The following KLRF1 variants were observed in gnomAD, a reference collection of about 807,000 sequenced individuals.
KLRF1 encodes the protein killer cell lectin like receptor F1, also known as killer cell lectin-like receptor subfamily F member 1.
In KLRF1, 27 loss-of-function variants were observed where a neutral mutation model predicts 30.7. That is an observed-to-expected ratio of 0.88 (90% CI 0.65 to 1.21). KLRF1 has a LOEUF of 1.21. Among genes scored for constraint, KLRF1 ranks in the 50% most tolerant of loss-of-function variants. The probability of loss-of-function intolerance (pLI) is 0.00; values close to 1 mark genes in which losing one functional copy is unlikely to be tolerated. For synonymous variants in KLRF1, 92 were observed against 89.3 expected (o/e 1.03, Z -0.17); for missense variants, 246 against 259.3 (o/e 0.95, Z 0.35).
At chr12:9,829,899 G>A (rs994788826) in intron 1 of KLRF1, among the ~76,000 whole-genome samples, 2 of 151,936 alleles carry the variant, frequency 1.3e-5, no homozygotes, top group Admixed American at 1.3e-4. Context: ...TCACTCTTTT[G>A]TTCTTTCAGA....
chr12:9,832,355 G>C lies in KLRF1; in HGVS notation c.125G>C (p.Gly42Ala). 6.2e-7 allele frequency: 1 copy of C among 1,609,822 alleles called. No homozygotes were observed. The highest frequency in any genetic ancestry group is 2.2e-5 in the East Asian group (1 of 44,754). ...VTLHWYKILL[G>A]ISGTVNGILT... ...TTGCACTGGTATAAAATCTTACTGG[G>C]AATATCTGGAACCGTGAATGGTATT... is the stretch of plus-strand genomic sequence containing the variant. The change falls in exon 2 of 6, where the codon GGA becomes GCA. Residue 42 changes from glycine (G) to alanine (A), a missense_variant. By Grantham distance (60) the Gly-to-Ala change is moderately conservative. Transcript: ENST00000617889.
intron 4 of KLRF1, 79 bp from the exon 5 acceptor site, chr12:9,842,242 T>C (rs1867718742): frequency 2.0e-6 from 3 of 1,526,912 alleles, no homozygotes; most frequent in Non-Finnish European, 1.8e-6. Context: ...GAGTGCTTTT[T>C]TGCAATAACA....
intron 2 of KLRF1, among the ~76,000 whole-genome samples, chr12:9,832,848 T>A (rs1297577452): frequency 6.6e-6 from 1 of 152,160 alleles, no homozygotes; most frequent in Non-Finnish European, 1.5e-5. Flanking sequence ...ACCGAGCAGC[T>A]ACAATACTCC....
At chr12:9,814,009 C>T in the KLRF1 span, among the ~76,000 whole-genome samples, 2 of 152,152 alleles carry the variant, frequency 1.3e-5, no homozygotes, top group East Asian at 3.9e-4. Flanking sequence ...ACAGCTTCCG[C>T]ATCTCCACAT....
At chr12:9,843,061 T>C (rs1004307146) in intron 5 of KLRF1, among the ~76,000 whole-genome samples, 2 of 152,144 alleles carry the variant, frequency 1.3e-5, no homozygotes, top group African/African-American at 4.8e-5. Context: ...CAGGTATGAT[T>C]AAATGAGGAA....
intron 5 of KLRF1, among the ~76,000 whole-genome samples, chr12:9,842,693 T>C (rs1357066819): frequency 6.6e-6 from 1 of 152,122 alleles, no homozygotes; most frequent in Non-Finnish European, 1.5e-5. Flanking sequence ...AGTCTCTTAT[T>C]TTTAAAGGTC....
rs766379649 is a variant in KLRF1, at chr12:9,833,360, A to C, written c.242A>C (p.Tyr81Ser). Residue 81 changes from tyrosine (Y) to serine (S), a missense_variant, in exon 3 of 6, where the codon TAT (tyrosine) becomes TCT (serine). By Grantham distance (144) the Tyr-to-Ser change is moderately radical. Coordinates refer to ENST00000617889, the MANE Select transcript of KLRF1 (RefSeq NM_016523.3). ...QKGSCSNATQYEDTGDLKVNN... is the reference protein window; with the variant it reads ...QKGSCSNATQSEDTGDLKVNN... ...GGAAGTTGTTCAAATGCCACTCAGT[A>C]TGAGGACACTGGAGATCTAAAAGTG... 17 of 1,611,578 alleles carry C rather than the reference A, an allele frequency of 1.1e-5. No individual in the cohort carries two copies. The highest frequency in any genetic ancestry group is 1.4e-5 in the Non-Finnish European group (16 of 1,178,804).
chr12:9,839,157 TG>T, intron 3 of KLRF1, among the ~76,000 whole-genome samples: 1 of 152,178 alleles, frequency 6.6e-6, no homozygotes, highest in East Asian at 1.9e-4. Flanking sequence ...ACTGAGATCA[TG>T]GTGCCAGCGT....
chr12:9,807,649 C>T, the KLRF1 span, among the ~76,000 whole-genome samples: 1 of 151,956 alleles, frequency 6.6e-6, no homozygotes, highest in Non-Finnish European at 1.5e-5. Context: ...TTGTTTATTC[C>T]TGTTGATTCA....
the KLRF1 span, chr12:9,817,520 A>C: frequency 7.9e-6 from 3 of 378,438 alleles, no homozygotes; most frequent in Non-Finnish European, 1.1e-5. Flanking sequence ...TTGACTTTTC[A>C]AGGTCAAGCA....
At chr12:9,834,595 G>A (rs973693603) in intron 3 of KLRF1, among the ~76,000 whole-genome samples, 3 of 151,988 alleles carry the variant, frequency 2.0e-5, no homozygotes, top group African/African-American at 7.3e-5. Context: ...ATTGGTGATG[G>A]CCTGGATACG....
At chr12:9,842,159 G>T (rs996375299) in intron 4 of KLRF1, 162 bp from the exon 5 acceptor site, 5 of 814,242 alleles carry the variant, frequency 6.1e-6, no homozygotes, top group Non-Finnish European at 9.5e-6. Context: ...GTGTGTGTGT[G>T]TGTGTAACAT....
chr12:9,828,113 G>A (rs1157585044), intron 1 of KLRF1, among the ~76,000 whole-genome samples: 2 of 151,024 alleles, frequency 1.3e-5, no homozygotes, highest in Non-Finnish European at 2.9e-5. Flanking sequence ...GAGTTTCACT[G>A]TTGTTGCCCA....
intron 1 of KLRF1, among the ~76,000 whole-genome samples, chr12:9,830,163 TG>T (rs1867378614): frequency 6.6e-6 from 1 of 152,222 alleles, no homozygotes; most frequent in African/African-American, 2.4e-5. Context: ...TCTTTTTGTT[TG>T]TTTTTTTTGG....
chr12:9,806,088 T>G, the KLRF1 span, among the ~76,000 whole-genome samples: 2 of 152,010 alleles, frequency 1.3e-5, no homozygotes, highest in East Asian at 3.9e-4. Context: ...TTGTACATTT[T>G]ACTTTAATAT....
chr12:9,829,124 A>G (rs901654280), intron 1 of KLRF1, among the ~76,000 whole-genome samples: 1 of 152,106 alleles, frequency 6.6e-6, no homozygotes, highest in African/African-American at 2.4e-5. Context: ...ATATTGAAAA[A>G]CCTTTGTTGC....
chr12:9,820,010 G>T, the KLRF1 span, among the ~76,000 whole-genome samples: 1 of 152,044 alleles, frequency 6.6e-6, no homozygotes, highest in Admixed American at 6.6e-5. Flanking sequence ...GAGGTTATGA[G>T]GGGGCTGGTT....
At chr12:9,829,021 A>G (rs146434679) in intron 1 of KLRF1, among the ~76,000 whole-genome samples, 124 of 152,284 alleles carry the variant, frequency 8.1e-4, no homozygotes, top group Non-Finnish European at 1.5e-3. Flanking sequence ...GACGTATTTT[A>G]TGTGAATTAG....
At chr12:9,812,752 TAGAG>T in the KLRF1 span, among the ~76,000 whole-genome samples, 1 of 152,290 alleles carries the variant, frequency 6.6e-6, no homozygotes, top group African/African-American at 2.4e-5. Flanking sequence ...TTTATTACCT[TAGAG>T]AGAATGGAAA....
Sources: gnomAD v4.1 joint callset for allele counts (sites outside exome capture counted in the v4.1 genomes callset) on GRCh38, gnomAD v4.1.1 for gene constraint, MANE v1.5 for transcripts, NCBI Gene and HGNC (gene_info 2026-07-23, HGNC 2026-07-21) for gene names.